The following ART1 variants were observed in gnomAD, a reference collection of about 807,000 sequenced individuals.
ART1 encodes the protein GPI-linked NAD(P)(+)--arginine ADP-ribosyltransferase 1.
ART1 carries 29 observed loss-of-function variants against 27.0 expected under a neutral mutation model. The ratio of observed to expected loss-of-function variants is 1.08; its 90% confidence interval spans 0.80 to 1.47. ART1 has a LOEUF of 1.47. ART1 is among the 40% of genes most tolerant of loss of function. ART1 has a pLI of 0.00. For synonymous variants in ART1, 201 were observed against 172.2 expected (o/e 1.17, Z -1.31); for missense variants, 480 against 423.0 (o/e 1.13, Z -1.18).
chr11:3,662,125 A>C (rs1040897569), intron 4 of ART1, among the ~76,000 whole-genome samples: 1 of 152,062 alleles, frequency 6.6e-6, no homozygotes, highest in Non-Finnish European at 1.5e-5. Flanking sequence ...CCTCAAACCC[A>C]CCTTTGAAGG....
intron 4 of ART1, among the ~76,000 whole-genome samples, chr11:3,663,240 C>A (rs1178278522): frequency 6.6e-6 from 1 of 152,126 alleles, no homozygotes; most frequent in Admixed American, 6.6e-5. Context: ...GACCCAGAGA[C>A]AAATTATTTG....
intron 4 of ART1, among the ~76,000 whole-genome samples, chr11:3,663,102 ATCTCATC>A (rs1320158991): frequency 3.4e-4 from 36 of 106,196 alleles, no homozygotes; most frequent in Admixed American, 1.2e-3. Flanking sequence ...ATCTCATCTC[ATCTCATC>A]TCATCTCATC....
At chr11:3,649,077 C>T (rs184716475) in intron 1 of ART1, among the ~76,000 whole-genome samples, 119 of 152,196 alleles carry the variant, frequency 7.8e-4, no homozygotes, top group African/African-American at 1.1e-3. Context: ...ACCCCTTTCC[C>T]GCTTTTCTGG....
At chr11:3,662,872 A>T (rs2077630022) in intron 4 of ART1, among the ~76,000 whole-genome samples, 2 of 152,150 alleles carry the variant, frequency 1.3e-5, no homozygotes, top group Non-Finnish European at 2.9e-5. Context: ...AAACAAAAAA[A>T]ATCAAAGGTG....
intron 1 of ART1, among the ~76,000 whole-genome samples, chr11:3,651,823 C>G (rs936631717): frequency 1.3e-5 from 2 of 151,508 alleles, no homozygotes; most frequent in Non-Finnish European, 2.9e-5. Context: ...ACACCTGACC[C>G]CCATGACTGT....
intron 1 of ART1, among the ~76,000 whole-genome samples, chr11:3,649,759 G>A (rs181472687): frequency 4.9e-4 from 74 of 152,282 alleles, no homozygotes; most frequent in African/African-American, 1.4e-3. Context: ...AGCTAAAGGC[G>A]TAGTCAAGGT....
intron 4 of ART1, among the ~76,000 whole-genome samples, chr11:3,663,461 A>T (rs1216885403): frequency 1.3e-5 from 2 of 152,190 alleles, no homozygotes; most frequent in Admixed American, 1.3e-4. Context: ...TCTTAAATCC[A>T]TGTTTCATCC....
intron 1 of ART1, among the ~76,000 whole-genome samples, chr11:3,651,249 A>G (rs113108341): frequency 0.046 from 6,637 of 143,878 alleles, 621 homozygotes; most frequent in African/African-American, 0.18. Context: ...GCTTTCACTT[A>G]GACTGACCCT....
chr11:3,652,763 T>C (rs190949971), intron 1 of ART1, among the ~76,000 whole-genome samples: 4 of 151,096 alleles, frequency 2.6e-5, no homozygotes, highest in South Asian at 2.1e-4. Context: ...TTTACACTGT[T>C]TCTCCAAGCC....
chr11:3,660,722 G>A (rs953751000), intron 3 of ART1, among the ~76,000 whole-genome samples: 2 of 152,222 alleles, frequency 1.3e-5, no homozygotes, highest in Non-Finnish European at 2.9e-5. Flanking sequence ...TTGACACCTA[G>A]ATAGCTGTTG....
chr11:3,646,890 T>G (rs2077473045), intron 1 of ART1, among the ~76,000 whole-genome samples: 2 of 152,180 alleles, frequency 1.3e-5, no homozygotes, highest in Admixed American at 1.3e-4. Context: ...CAAGATGAGC[T>G]TTTCAAGTCT....
intron 1 of ART1, among the ~76,000 whole-genome samples, chr11:3,652,611 G>A (rs1179219438): frequency 6.6e-6 from 1 of 151,858 alleles, no homozygotes; most frequent in Non-Finnish European, 1.5e-5. Context: ...TTTTTATTAG[G>A]CCCCAGTCTA....
At chr11:3,647,479 C>G (rs1176601973) in intron 1 of ART1, among the ~76,000 whole-genome samples, 2 of 151,522 alleles carry the variant, frequency 1.3e-5, no homozygotes, top group Non-Finnish European at 2.9e-5. Context: ...CAACTAAATA[C>G]AAAAATTAGC....
chr11:3,657,586 C>G (rs561779778), intron 1 of ART1, among the ~76,000 whole-genome samples: 1 of 152,024 alleles, frequency 6.6e-6, no homozygotes, highest in Non-Finnish European at 1.5e-5. Flanking sequence ...AACAAACAAA[C>G]AAAGTAGATA....
chr11:3,646,861 C>T (rs745846185), intron 1 of ART1, among the ~76,000 whole-genome samples: 5 of 152,174 alleles, frequency 3.3e-5, no homozygotes, highest in Admixed American at 6.6e-5. Context: ...CTGCTTTGTA[C>T]TGGGACTACA....
In ART1 at chr11:3,663,033, A is replaced by ATCTCATCTCATC. The variant is rs756357966; in HGVS notation, c.887-1057_887-1056insTCATCTCATCTC. On this transcript the variant is annotated intron_variant, in intron 4 of 4. Coordinates refer to ENST00000250693, the MANE Select transcript of ART1 (RefSeq NM_004314.3). ...TCATCTCATCATCTCATCTCATCTC[A>ATCTCATCTCATC]TCATCTCATCTCATCTCATCTCATC... Among the ~76,000 whole-genome samples the ATCTCATCTCATC allele has an allele frequency of 1.9e-3, 154 of 82,404 alleles. 6 individuals carry two copies. The highest frequency in any genetic ancestry group is 5.0e-3 in the African/African-American group (104 of 20,862). The allele number at this position is 82,404 out of a possible 152,430, so 54.1% of individuals were successfully genotyped here. A position where few individuals can be genotyped will look rare whatever the true frequency, so the allele number is the denominator to read the frequency against.
At chr11:3,658,441 T>C (rs575660835) in intron 1 of ART1, among the ~76,000 whole-genome samples, 4 of 152,102 alleles carry the variant, frequency 2.6e-5, no homozygotes, top group Non-Finnish European at 5.9e-5. Context: ...GCACTCCGCC[T>C]GTCCCCCAGC....
chr11:3,649,713 A>G (rs1161403093), intron 1 of ART1, among the ~76,000 whole-genome samples: 2 of 152,028 alleles, frequency 1.3e-5, no homozygotes, highest in African/African-American at 4.8e-5. Context: ...GCCCTCCCCA[A>G]CCTGCCCAGC....
rs537106860 is a variant in ART1 at position 3,653,264 on chromosome 11, C to G, written c.-52-5898C>G. ...TGAGCCGAAGCTAAGCCATCATGTCCCCTGTGACCTGCACATACACATCCA... is the reference window on the plus strand; with the variant it reads ...TGAGCCGAAGCTAAGCCATCATGTCGCCTGTGACCTGCACATACACATCCA... On this transcript the variant is annotated intron_variant, in intron 1 of 4. Coordinates refer to ENST00000250693, the MANE Select transcript of ART1 (RefSeq NM_004314.3). Among the ~76,000 whole-genome samples the G allele has an allele frequency of 1.1e-4, 17 of 148,768 alleles. No homozygotes were observed. The East Asian group carries it at 3.1e-3, about 27-fold the overall frequency.
Sources: allele counts gnomAD v4.1 joint callset (sites outside exome capture counted in the v4.1 genomes callset), GRCh38; gene constraint gnomAD v4.1.1; transcripts MANE v1.5; gene names NCBI Gene and HGNC (gene_info 2026-07-23, HGNC 2026-07-21).